The following DPP6 variants were observed in gnomAD, a reference collection of about 807,000 sequenced individuals.
The protein encoded by DPP6 is dipeptidyl peptidase like 6.
A neutral mutation model predicts 122.6 loss-of-function variants in DPP6; 69 were observed. The observed-to-expected ratio is 0.56, with a 90% confidence interval of 0.46 to 0.69. The LOEUF (loss-of-function observed/expected upper bound fraction) is 0.69, where lower values mean the gene tolerates loss of function less well. DPP6 is among the 30% of genes least tolerant of loss of function. The pLI, the probability that DPP6 is intolerant of heterozygous loss-of-function variation, is 0.00. For synonymous variants in DPP6, 418 were observed against 433.1 expected (o/e 0.97, Z 0.43); for missense variants, 928 against 1,116.9 (o/e 0.83, Z 2.41).
At chr7:154,477,274 A>T (rs944827492) in intron 3 of DPP6, among the ~76,000 whole-genome samples, 5 of 151,902 alleles carry the variant, frequency 3.3e-5, no homozygotes, top group African/African-American at 1.2e-4. Flanking sequence ...CACCAGCAGC[A>T]CCAGCACCAC....
At chr7:154,113,259 A>T (rs6943384) in intron 1 of DPP6, among the ~76,000 whole-genome samples, 1 of 152,140 alleles carries the variant, frequency 6.6e-6, no homozygotes, top group Non-Finnish European at 1.5e-5. Context: ...TTGTTGGATT[A>T]TATGGTGGTT....
At chr7:154,385,211 C>T (rs935350832) in intron 1 of DPP6, among the ~76,000 whole-genome samples, 12 of 152,098 alleles carry the variant, frequency 7.9e-5, no homozygotes, top group African/African-American at 2.2e-4. Flanking sequence ...CCTCATGATC[C>T]GCCCGCCTCG....
intron 1 of DPP6, among the ~76,000 whole-genome samples, chr7:154,016,343 G>A (rs1798415363): frequency 3.0e-4 from 2 of 6,686 alleles, no homozygotes; most frequent in Admixed American, 3.1e-3. Context: ...TTGGTAGTTA[G>A]GAAGCATTAT....
chr7:153,890,006 C>T (rs1025839606), intron 1 of DPP6, among the ~76,000 whole-genome samples: 1 of 152,206 alleles, frequency 6.6e-6, no homozygotes, highest in Non-Finnish European at 1.5e-5. Context: ...TTGGAAGACT[C>T]TTGCTAATCA....
At chr7:154,216,665 C>G (rs1377337073) in intron 1 of DPP6, among the ~76,000 whole-genome samples, 1 of 152,026 alleles carries the variant, frequency 6.6e-6, no homozygotes, top group Non-Finnish European at 1.5e-5. Context: ...CTTCTATTAC[C>G]CAGGGAATCA....
chr7:153,836,518 C>T, the DPP6 span, among the ~76,000 whole-genome samples: 1 of 152,222 alleles, frequency 6.6e-6, no homozygotes, highest in East Asian at 1.9e-4. Flanking sequence ...TTTGCTGGTC[C>T]TCTGGAATAG....
intron 1 of DPP6, among the ~76,000 whole-genome samples, chr7:154,297,562 A>C (rs2150974047): frequency 6.6e-6 from 1 of 152,350 alleles, no homozygotes; most frequent in Middle Eastern, 3.4e-3. Flanking sequence ...GATAGGAGTA[A>C]TATGAACAGA....
chr7:154,713,557 A>G (rs1345841262), intron 7 of DPP6, among the ~76,000 whole-genome samples: 7 of 152,210 alleles, frequency 4.6e-5, no homozygotes, highest in Non-Finnish European at 4.4e-5. Flanking sequence ...CAGGCCCAAC[A>G]TCACATGGAA....
the DPP6 span, among the ~76,000 whole-genome samples, chr7:153,818,073 A>T: frequency 6.6e-6 from 1 of 152,274 alleles, no homozygotes; most frequent in Non-Finnish European, 1.5e-5. Context: ...TGAGGAAAAG[A>T]TGAACAAACA....
chr7:154,163,331 C>T (rs561262254), intron 1 of DPP6, among the ~76,000 whole-genome samples: 3,591 of 152,268 alleles, frequency 0.024, 73 homozygotes, highest in Middle Eastern at 0.034. Context: ...GGAATCTGTG[C>T]GTTGCTCATG....
chr7:154,076,376 G>T (rs1803552391), intron 1 of DPP6, among the ~76,000 whole-genome samples: 1 of 152,020 alleles, frequency 6.6e-6, no homozygotes, highest in South Asian at 2.1e-4. Flanking sequence ...CTTGAACCTG[G>T]GAGGCGGAGG....
chr7:153,944,736 T>C (rs1366826419), intron 1 of DPP6, among the ~76,000 whole-genome samples: 2 of 134,460 alleles, frequency 1.5e-5, no homozygotes, highest in Non-Finnish European at 3.1e-5. Context: ...GTTCAAGCAA[T>C]TCTCCCACCT....
chr7:154,721,724 T>A (rs1841820738), intron 7 of DPP6, among the ~76,000 whole-genome samples: 1 of 151,984 alleles, frequency 6.6e-6, no homozygotes, highest in African/African-American at 2.4e-5. Flanking sequence ...CTCTGAAGCC[T>A]GTTCTAACCC....
At chr7:153,922,392 G>A (rs761846919) in intron 1 of DPP6, among the ~76,000 whole-genome samples, 53 of 152,024 alleles carry the variant, frequency 3.5e-4, no homozygotes, top group African/African-American at 1.3e-3. Context: ...CCAGCTGCTT[G>A]GGAGGCTAAG....
chr7:153,895,362 A>C (rs552534375), intron 1 of DPP6, among the ~76,000 whole-genome samples: 1 of 152,256 alleles, frequency 6.6e-6, no homozygotes, highest in Admixed American at 6.5e-5. Flanking sequence ...TCATGTGTCG[A>C]ATAAGGAAAT....
the DPP6 span, among the ~76,000 whole-genome samples, chr7:153,844,712 C>T: frequency 1.3e-5 from 2 of 152,148 alleles, no homozygotes; most frequent in East Asian, 1.9e-4. Flanking sequence ...TTGGAAGACT[C>T]TTATGATAGA....
intron 1 of DPP6, among the ~76,000 whole-genome samples, chr7:153,959,661 G>T (rs1463240694): frequency 6.6e-6 from 1 of 152,262 alleles, no homozygotes; most frequent in East Asian, 1.9e-4. Context: ...AAGAGAGGTA[G>T]GGCCTTGCCC....
chr7:153,886,977 A>T (rs1753124821), upstream of DPP6: 1 of 151,810 alleles, frequency 6.6e-6, no homozygotes, highest in Non-Finnish European at 1.5e-5. Flanking sequence ...GCGCGCACCC[A>T]GTCCAGCGCG....
chr7:154,180,609 A>G (rs1563285803), intron 1 of DPP6, among the ~76,000 whole-genome samples: 1 of 150,664 alleles, frequency 6.6e-6, no homozygotes, highest in Admixed American at 6.7e-5. Context: ...TAAGATTTCA[A>G]AAGCCTTCCC....
Sources: allele counts gnomAD v4.1 joint callset (sites outside exome capture counted in the v4.1 genomes callset), GRCh38; gene constraint gnomAD v4.1.1; transcripts MANE v1.5; gene names NCBI Gene and HGNC (gene_info 2026-07-23, HGNC 2026-07-21).